FGF17: variants seen among roughly 807,000 people sequenced by gnomAD.
FGF17 encodes fibroblast growth factor 17.
In FGF17, 5 loss-of-function variants were observed where a neutral mutation model predicts 23.5. That is an observed-to-expected ratio of 0.21 (90% CI 0.11 to 0.45). FGF17 has a LOEUF of 0.45. Ranked by LOEUF, FGF17 falls within the 20% of genes least tolerant of loss-of-function variation. The probability of loss-of-function intolerance (pLI) is 0.99; values close to 1 mark genes in which losing one functional copy is unlikely to be tolerated. For missense variants in FGF17, 221 were observed against 306.9 expected (o/e 0.72, Z 2.09); for synonymous variants, 136 against 123.0 (o/e 1.11, Z -0.70).
chr8:22,039,819 T>A (rs1585530101), upstream of FGF17, among the ~76,000 whole-genome samples: 5 of 152,200 alleles, frequency 3.3e-5, no homozygotes, highest in East Asian at 9.7e-4. Flanking sequence ...GCCCCAACTC[T>A]TCTGTTTTTC....
rs6984832 is a variant in FGF17, at chr8:22,047,841, C to T, written c.358-115C>T. On this transcript the variant is annotated intron_variant, in intron 4 of 4. Coordinates refer to ENST00000359441, the MANE Select transcript of FGF17 (RefSeq NM_003867.4). ...CTCACCAGGCAGAGTTCCCTGGGCT[C>T]ACGGCCCCGTTGTTCCCGTTGTCCC... is the stretch of plus-strand genomic sequence containing the variant. 6.3e-5 allele frequency: 65 copies of T among 1,032,846 alleles called. No individual in the cohort carries two copies. In the African/African-American group the frequency reaches 1.0e-3, roughly 16 times the overall value. The allele number at this position is 1,032,846 out of a possible 1,614,324, so 64.0% of individuals were successfully genotyped here.
chr8:22,044,704 G>A (rs763094411), intron 2 of FGF17: 19 of 985,674 alleles, frequency 1.9e-5, no homozygotes, highest in Non-Finnish European at 2.3e-5. Context: ...TCTTGCAGAG[G>A]CTAGGCAGAG....
intron 2 of FGF17, among the ~76,000 whole-genome samples, chr8:22,043,856 A>C (rs956370357): frequency 1.3e-5 from 2 of 151,850 alleles, no homozygotes; most frequent in African/African-American, 4.8e-5. Flanking sequence ...AGCTATTAAA[A>C]TGCACTGGTC....
intron 2 of FGF17, chr8:22,044,562 C>T (rs1381768999): frequency 3.2e-5 from 14 of 437,890 alleles, no homozygotes; most frequent in Admixed American, 6.4e-5. Flanking sequence ...CCAAGAGGGG[C>T]GGAGGGCCTG....
intron 2 of FGF17, chr8:22,045,515 C>T (rs1461274472): frequency 1.0e-6 from 1 of 992,482 alleles, no homozygotes; most frequent in Admixed American, 5.9e-5. Context: ...GCTCAGGATT[C>T]CACAGTTAGT....
rs545540109 is a variant in FGF17 at position 22,043,158 on chromosome 8, C to T, written c.49C>T (p.Leu17=). The change falls in exon 2 of 5, where the codon CTG becomes TTG. Residue 17 remains leucine, a synonymous_variant. Transcript: ENST00000359441. The part of the protein sequence containing the change: ...LPNLTLCLQL[L]ILCCQTQGEN... Reference sequence around the variant, plus strand: ...CTCCCCACACAGGTGCTTACAGCTGCTGATTCTCTGCTGTCAAACTCAGGT... The same window carrying T: ...CTCCCCACACAGGTGCTTACAGCTGTTGATTCTCTGCTGTCAAACTCAGGT... The T allele has an allele frequency of 5.5e-5, 89 of 1,613,904 alleles. 1 individual carries two copies. The South Asian group carries it at 9.7e-4, about 18-fold the overall frequency.
Position 22,046,097 on chromosome 8 carries a change from C to T in FGF17, c.73-17C>T, listed in dbSNP as rs1800859641. The T allele has an allele frequency of 3.1e-6, 5 of 1,614,126 alleles. No individual in the cohort carries two copies. On this transcript the variant is annotated splice_polypyrimidine_tract_variant and intron_variant, in intron 2 of 4. Coordinates refer to ENST00000359441, the MANE Select transcript of FGF17 (RefSeq NM_003867.4). ...CCAAAGCAAATTGACACTATTTTTCCCTTGGTAACCGCAAAGGGGGAGAAT... is the reference window on the plus strand; with the variant it reads ...CCAAAGCAAATTGACACTATTTTTCTCTTGGTAACCGCAAAGGGGGAGAAT...
At chr8:22,046,495 G>A (rs773246227) in intron 3 of FGF17, 32 bp from the exon 4 acceptor site, 2 of 1,572,370 alleles carry the variant, frequency 1.3e-6, no homozygotes, top group East Asian at 2.2e-5. Context: ...AGCCCCGATG[G>A]ACGGAGGTCT....
At chr8:22,047,858 C>A (rs1428465233) in intron 4 of FGF17, 98 bp from the exon 5 acceptor site, 3 of 1,237,242 alleles carry the variant, frequency 2.4e-6, no homozygotes, top group East Asian at 2.5e-5. Flanking sequence ...CCGTTGTTCC[C>A]GTTGTCCCTC....
chr8:22,046,488 C>G, intron 3 of FGF17, 39 bp from the exon 4 acceptor site: 1 of 1,550,970 alleles, frequency 6.4e-7, no homozygotes, highest in African/African-American at 1.4e-5. Flanking sequence ...GGCCGGCAGC[C>G]CCGATGGACG....
chr8:22,044,264 C>T (rs1027251051), intron 2 of FGF17, among the ~76,000 whole-genome samples: 4 of 151,986 alleles, frequency 2.6e-5, no homozygotes, highest in Non-Finnish European at 4.4e-5. Flanking sequence ...CCTTGAAGTG[C>T]CCCCTCACCC....
chr8:22,042,579 G>A (rs1403426338), upstream of FGF17: 3 of 513,122 alleles, frequency 5.8e-6, no homozygotes, highest in East Asian at 3.4e-5. Flanking sequence ...GAGACAGCAG[G>A]GCCACCTCCT....
chr8:22,046,176 C>T lies in FGF17; in HGVS notation c.135C>T (p.Asp45=), dbSNP rs1470099922. Residue 45 remains aspartate, a synonymous_variant, in exon 3 of 5, where the codon GAC becomes GAT. Transcript: ENST00000359441. ...QYVRDQGAMT[D]QLSRRQIREY... ...TGAGGGACCAGGGCGCCATGACCGA[C>T]CAGCTGAGCAGGCGGCAGATCCGCG... 6.2e-7 allele frequency: 1 copy of T among 1,614,166 alleles called. No homozygotes were observed. The highest frequency in any genetic ancestry group is 1.7e-5 in the Admixed American group (1 of 60,028).
chr8:22,044,097 G>A (rs1800800676), intron 2 of FGF17, among the ~76,000 whole-genome samples: 1 of 151,846 alleles, frequency 6.6e-6, no homozygotes, highest in East Asian at 1.9e-4. Flanking sequence ...TCCAGGGGGA[G>A]CCAGAAGAAA....
upstream of FGF17, among the ~76,000 whole-genome samples, chr8:22,041,238 G>A (rs868353630): frequency 3.7e-4 from 56 of 152,312 alleles, no homozygotes; most frequent in African/African-American, 1.2e-3. Flanking sequence ...CTGGGTTCCC[G>A]AGGAAGAGCC....
At chr8:22,044,814 C>A (rs1047443646) in intron 2 of FGF17, 1 of 985,558 alleles carries the variant, frequency 1.0e-6, no homozygotes, top group Admixed American at 6.1e-5. Flanking sequence ...TGCTCCCTCA[C>A]TCCCCCTGCC....
upstream of FGF17, among the ~76,000 whole-genome samples, chr8:22,041,039 C>T (rs1190685445): frequency 1.3e-5 from 2 of 152,180 alleles, no homozygotes; most frequent in Non-Finnish European, 2.9e-5. Context: ...AGGCTTTGGG[C>T]GAGTCCCTTG....
chr8:22,046,655 G>C (rs1400578203), intron 4 of FGF17, 22 bp downstream of exon 4: 2 of 1,547,548 alleles, frequency 1.3e-6, no homozygotes, highest in African/African-American at 1.4e-5. Context: ...AGACTGGGAA[G>C]TAACAGAGAA....
intron 2 of FGF17, 94 bp downstream of exon 2, chr8:22,043,275 G>T: frequency 8.0e-7 from 1 of 1,253,536 alleles, no homozygotes. Context: ...GTGGACAGAG[G>T]CAGAGTCTGG....
Sources: gnomAD v4.1 joint callset for allele counts (sites outside exome capture counted in the v4.1 genomes callset) on GRCh38, gnomAD v4.1.1 for gene constraint, MANE v1.5 for transcripts, NCBI Gene and HGNC (gene_info 2026-07-23, HGNC 2026-07-21) for gene names.